The following BTBD2 variants were observed in gnomAD, a reference collection of about 807,000 sequenced individuals.
BTBD2 encodes BTB/POZ domain-containing protein 2.
A neutral mutation model predicts 44.0 loss-of-function variants in BTBD2; 15 were observed. The observed-to-expected ratio is 0.34, with a 90% CI of 0.23 to 0.53. The LOEUF is 0.53. Ranked by LOEUF, BTBD2 falls within the 20% of genes least tolerant of loss-of-function variation. The pLI is 0.95. For missense variants in BTBD2, 657 were observed against 746.4 expected, an observed-to-expected ratio of 0.88 and a Z score of 1.39; for synonymous variants, 443 against 335.9, an observed-to-expected ratio of 1.32 and a Z score of -3.49.
chr19:1,989,949 C>G (rs940960576), intron 5 of BTBD2, 55 bp downstream of exon 5: 2 of 1,589,676 alleles, frequency 1.3e-6, no homozygotes, highest in African/African-American at 1.3e-5. Context: ...TACCCAGATG[C>G]CCACCTGTGT....
intron 5 of BTBD2, chr19:1,988,551 A>T (rs570527762): frequency 1.3e-4 from 20 of 148,834 alleles, no homozygotes; most frequent in Non-Finnish European, 2.9e-5. Flanking sequence ...ATCAAAACTC[A>T]ATAAACAATG....
In BTBD2 at chr19:2,013,649, G is replaced by T. The variant is rs970377075; in HGVS notation, c.407+1648C>A. ...GGCCCAGGGGTCTCTGGCTGAGGTGGGGGTCCGGGGCTGGAGGGGCTGTGG... is the reference window on the plus strand; with the variant it reads ...GGCCCAGGGGTCTCTGGCTGAGGTGTGGGTCCGGGGCTGGAGGGGCTGTGG... On this transcript the variant is annotated intron_variant, in intron 1 of 8. Coordinates refer to ENST00000255608, the MANE Select transcript of BTBD2 (RefSeq NM_017797.4). 12 of 987,302 alleles carry T rather than the reference G, an allele frequency of 1.2e-5. No homozygotes were observed. In the African/African-American group the frequency reaches 2.1e-4, roughly 17 times the overall value. The allele number at this position is 987,302 out of a possible 1,614,324, so 61.2% of individuals were successfully genotyped here. A position where few individuals can be genotyped will look rare whatever the true frequency, so the allele number is the denominator to read the frequency against.
rs563952930 is a variant in BTBD2, at chr19:2,014,407, G to C, written c.407+890C>G. ...TTGGAGGGTCACAGGAGTCCCAGGG[G>C]TGGTGGGTGGGGGTGCAGGGCCAGG... On this transcript the variant is annotated intron_variant, in intron 1 of 8. Coordinates refer to ENST00000255608, the MANE Select transcript of BTBD2 (RefSeq NM_017797.4). 2.5e-3 allele frequency: 390 copies of C among 153,976 alleles called. 2 individuals carry two copies. The highest frequency in any genetic ancestry group is 9.1e-3 in the African/African-American group (376 of 41,158). 9.5% of individuals were successfully genotyped at this position (153,976 alleles called of 1,614,324 possible).
intron 1 of BTBD2, among the ~76,000 whole-genome samples, 189 bp from the exon 2 acceptor site, chr19:1,997,652 G>T (rs1005055766): frequency 6.6e-6 from 1 of 152,194 alleles, no homozygotes; most frequent in Non-Finnish European, 1.5e-5. Flanking sequence ...GATGCAGACG[G>T]ACCCACGGCA....
chr19:1,994,086 G>A (rs2016219313), intron 2 of BTBD2, among the ~76,000 whole-genome samples: 1 of 151,276 alleles, frequency 6.6e-6, no homozygotes, highest in Non-Finnish European at 1.5e-5. Flanking sequence ...AGAGGCCGAG[G>A]CGGGCAGATC....
At chr19:2,013,513 G>T in intron 1 of BTBD2, 1 of 986,178 alleles carries the variant, frequency 1.0e-6, no homozygotes, top group African/African-American at 1.7e-5. Context: ...CATAGGATGG[G>T]GTGCAGGGGG....
chr19:2,011,968 C>G (rs533434486), intron 1 of BTBD2, among the ~76,000 whole-genome samples: 19 of 152,186 alleles, frequency 1.2e-4, no homozygotes, highest in Non-Finnish European at 2.5e-4. Flanking sequence ...GATTCTCCTG[C>G]CTCAGCCTCC....
intron 4 of BTBD2, chr19:1,990,471 A>C (rs1693907417): frequency 6.6e-6 from 4 of 610,318 alleles, no homozygotes; most frequent in Non-Finnish European, 1.2e-5. Flanking sequence ...AGTCAAAGCC[A>C]TGGACCATCG....
intron 2 of BTBD2, among the ~76,000 whole-genome samples, chr19:1,993,563 G>T (rs371276045): frequency 6.6e-6 from 1 of 152,050 alleles, no homozygotes; most frequent in African/African-American, 2.4e-5. Context: ...GGGCACCACC[G>T]AAAACCTCAA....
At chr19:1,992,865 C>A (rs2016198417) in intron 3 of BTBD2, among the ~76,000 whole-genome samples, 155 bp downstream of exon 3, 1 of 152,182 alleles carries the variant, frequency 6.6e-6, no homozygotes, top group East Asian at 1.9e-4. Flanking sequence ...AGCAACCACG[C>A]CCGGCCCAAA....
At chr19:2,009,017 GTTCT>G (rs1387658276) in intron 1 of BTBD2, among the ~76,000 whole-genome samples, 14 of 124,548 alleles carry the variant, frequency 1.1e-4, no homozygotes, top group Middle Eastern at 3.8e-3. Flanking sequence ...AGAACACACT[GTTCT>G]TTTTTTTTTT....
At position 1,985,692 on chromosome 19, in the gene BTBD2, G is replaced by C. The variant is rs780291493; in HGVS notation, c.*796C>G. 1 of 152,384 alleles carries C rather than the reference G, an allele frequency of 6.6e-6. No individual in the cohort carries two copies. Among genetic ancestry groups the C allele is most frequent in the Non-Finnish European group, 1.5e-5 (1 of 68,176 alleles). 9.4% of individuals were successfully genotyped at this position (152,384 alleles called of 1,614,324 possible). On this transcript the variant is annotated 3_prime_UTR_variant, in exon 9 of 9. Coordinates refer to ENST00000255608, the MANE Select transcript of BTBD2 (RefSeq NM_017797.4). ...GCGAGCAGTGCTCCTGGACCCGGTC[G>C]GGGCCGGCTGGGGCCCCATTCTGCG...
At chr19:1,989,518 G>C (rs769602963) in intron 5 of BTBD2, 1 of 194,050 alleles carries the variant, frequency 5.2e-6, no homozygotes, top group Non-Finnish European at 1.1e-5. Flanking sequence ...TTTTGCTCCA[G>C]AGCTGGATGG....
chr19:1,993,995 CAAAAAAAAAAAAAAA>C lies in BTBD2; in HGVS notation c.528-834_528-820del, dbSNP rs542137742. On this transcript the variant is annotated intron_variant, in intron 2 of 8. Coordinates refer to ENST00000255608, the MANE Select transcript of BTBD2 (RefSeq NM_017797.4). ...CTGGAGACAGAGCGAGAATCCGTCTCAAAAAAAAAAAAAAAAAAAAAAAAAAAAAAAAGCAGCACA... is the reference window on the plus strand; with the variant it reads ...CTGGAGACAGAGCGAGAATCCGTCTCAAAAAAAAAAAAAAAAAGCAGCACA... Among the ~76,000 whole-genome samples the C allele has an allele frequency of 8.0e-4, 20 of 24,964 alleles. No homozygotes were observed. The East Asian group carries it at 0.018, about 23-fold the overall frequency. 16.4% of individuals were successfully genotyped at this position (24,964 alleles called of 152,430 possible). A position where few individuals can be genotyped will look rare whatever the true frequency, so the allele number is the denominator to read the frequency against.
chr19:1,992,969 CG>C, intron 3 of BTBD2, 50 bp downstream of exon 3: 54 of 1,168,618 alleles, frequency 4.6e-5, no homozygotes, highest in Non-Finnish European at 6.0e-5. Context: ...ACCCCGGCCC[CG>C]CCTCCAGCCA....
intron 3 of BTBD2, chr19:1,992,076 C>T (rs2145624856): frequency 6.8e-6 from 1 of 147,452 alleles, no homozygotes. Flanking sequence ...AAGAGAAACC[C>T]CGTCTCAAAA....
chr19:1,989,777 C>CA (rs1341150518), intron 5 of BTBD2: 3 of 581,724 alleles, frequency 5.2e-6, no homozygotes, highest in African/African-American at 1.9e-5. Flanking sequence ...GCTGGACAGA[C>CA]ACGAGAGGCG....
intron 3 of BTBD2, among the ~76,000 whole-genome samples, chr19:1,992,603 G>C (rs942200906): frequency 6.6e-6 from 1 of 150,986 alleles, no homozygotes; most frequent in Non-Finnish European, 1.5e-5. Flanking sequence ...GTGGAGTCTC[G>C]CTCTGTCATG....
At chr19:1,992,481 C>T (rs982050168) in intron 3 of BTBD2, among the ~76,000 whole-genome samples, 14 of 152,144 alleles carry the variant, frequency 9.2e-5, no homozygotes, top group Admixed American at 5.9e-4. Flanking sequence ...CTCAAGCAAT[C>T]CTCCCTACTT....
Sources: allele counts gnomAD v4.1 joint callset (sites outside exome capture counted in the v4.1 genomes callset), GRCh38; gene constraint gnomAD v4.1.1; transcripts MANE v1.5; gene names NCBI Gene and HGNC (gene_info 2026-07-23, HGNC 2026-07-21).